IL16: variants seen among roughly 807,000 people sequenced by gnomAD.
IL16 encodes interleukin 16.
A neutral mutation model predicts 110.1 loss-of-function variants in IL16; 67 were observed. The ratio of observed to expected loss-of-function variants is 0.61; its 90% CI spans 0.50 to 0.75. The LOEUF (loss-of-function observed/expected upper bound fraction) is 0.75, where lower values mean the gene tolerates loss of function less well. Among genes scored for constraint, IL16 ranks in the 30% least tolerant of loss-of-function variants. IL16 has a pLI of 0.00. For synonymous variants in IL16, 689 were observed against 662.9 expected, an observed-to-expected ratio of 1.04 and a Z score of -0.61; for missense variants, 1,545 against 1,655.0, an observed-to-expected ratio of 0.93 and a Z score of 1.15.
chr15:81,229,796 C>G (rs2142054360), intron 2 of IL16, among the ~76,000 whole-genome samples: 1 of 152,278 alleles, frequency 6.6e-6, no homozygotes, highest in African/African-American at 2.4e-5. Context: ...CCAGAGTGGC[C>G]CTGCACCCAG....
At chr15:81,228,401 A>G (rs754668693) in intron 2 of IL16, among the ~76,000 whole-genome samples, 1 of 150,382 alleles carries the variant, frequency 6.6e-6, no homozygotes, top group Non-Finnish European at 1.5e-5. Context: ...GCTCATTGCA[A>G]CCTCTGCCTC....
At chr15:81,281,621 A>G (rs1418162315) in intron 8 of IL16, among the ~76,000 whole-genome samples, 2 of 152,172 alleles carry the variant, frequency 1.3e-5, no homozygotes, top group South Asian at 2.1e-4. Context: ...CACATTGCAC[A>G]TGTCATTTGG....
intron 4 of IL16, 131 bp downstream of exon 4, chr15:81,265,932 C>A: frequency 1.3e-6 from 1 of 799,294 alleles, no homozygotes; most frequent in Non-Finnish European, 1.9e-6. Context: ...GAGAGGGTCT[C>A]GCTTAGTAGC....
intron 3 of IL16, 135 bp from the exon 4 acceptor site, chr15:81,265,524 G>A (rs1033380499): frequency 8.9e-6 from 8 of 899,984 alleles, no homozygotes; most frequent in African/African-American, 3.4e-5. Context: ...TCCCCACCAC[G>A]CACCTGGCAC....
intron 1 of IL16, among the ~76,000 whole-genome samples, chr15:81,198,513 G>A (rs955890773): frequency 7.9e-5 from 12 of 152,182 alleles, no homozygotes; most frequent in African/African-American, 2.9e-4. Context: ...ATTGACTATA[G>A]AATTATTATT....
At chr15:81,211,188 T>C (rs1896228594) in intron 1 of IL16, among the ~76,000 whole-genome samples, 1 of 151,992 alleles carries the variant, frequency 6.6e-6, no homozygotes. Flanking sequence ...ACCTCCTGAG[T>C]AGCTGGGACT....
At chr15:81,289,776 G>T (rs2142345819) in intron 10 of IL16, 1 of 311,332 alleles carries the variant, frequency 3.2e-6, no homozygotes, top group East Asian at 7.7e-5. Context: ...ATGCACAGAA[G>T]TTTTTGATTT....
intron 1 of IL16, among the ~76,000 whole-genome samples, chr15:81,197,587 T>A (rs1895643517): frequency 6.6e-6 from 1 of 152,090 alleles, no homozygotes; most frequent in Non-Finnish European, 1.5e-5. Context: ...TTCTCCAAAG[T>A]GGGCACAGCG....
chr15:81,227,225 T>C (rs1180859395), intron 2 of IL16, among the ~76,000 whole-genome samples: 1 of 152,262 alleles, frequency 6.6e-6, no homozygotes, highest in East Asian at 1.9e-4. Context: ...GCAACTTTTA[T>C]TCTGATTTGG....
chr15:81,278,305 G>A (rs1899006874), intron 6 of IL16, among the ~76,000 whole-genome samples: 1 of 152,160 alleles, frequency 6.6e-6, no homozygotes, highest in Non-Finnish European at 1.5e-5. Context: ...CACCCAGGGT[G>A]ACAAGTGCAG....
At chr15:81,282,331 G>C (rs531271572) in intron 8 of IL16, among the ~76,000 whole-genome samples, 4 of 152,156 alleles carry the variant, frequency 2.6e-5, no homozygotes, top group Admixed American at 2.0e-4. Flanking sequence ...CACATTCTGC[G>C]TACATTCACC....
intron 1 of IL16, 73 bp from the exon 2 acceptor site, chr15:81,225,226 T>G: frequency 7.8e-7 from 1 of 1,288,362 alleles, no homozygotes; most frequent in African/African-American, 1.5e-5. Flanking sequence ...GTGGCTCAGA[T>G]CCAGGACTCG....
At chr15:81,201,720 G>A (rs757125763) in intron 1 of IL16, among the ~76,000 whole-genome samples, 1 of 152,106 alleles carries the variant, frequency 6.6e-6, no homozygotes, top group Non-Finnish European at 1.5e-5. Flanking sequence ...TAAAAATGCT[G>A]TAATTAGTAA....
chr15:81,299,396 G>A lies in IL16; in HGVS notation c.2070G>A (p.Pro690=), dbSNP rs775632260. The change falls in exon 14 of 19, where the codon CCG becomes CCA. Residue 690 remains proline (P), a synonymous_variant. Coordinates refer to ENST00000683961, the MANE Select transcript of IL16 (RefSeq NM_172217.5). The part of the protein sequence containing the change: ...RRASPVTQTS[P]IKHPLLKRQA... ...GCACTGTAGTGACCCAAACATCCCC[G>A]ATAAAACACCCACTGCTTAAGAGGC... 60 of 1,613,118 alleles carry A rather than the reference G, an allele frequency of 3.7e-5. No individual in the cohort carries two copies. Among genetic ancestry groups the A allele is most frequent in the Non-Finnish European group, 4.4e-5 (52 of 1,180,036 alleles).
In IL16 at chr15:81,292,584, C is replaced by T. The variant is rs61752774; in HGVS notation, c.1449C>T (p.His483=). The T allele has an allele frequency of 0.12, 200,273 of 1,604,720 alleles. 15,570 individuals are homozygous for T. Among genetic ancestry groups the T allele is most frequent in the South Asian group, 0.31 (27,681 of 90,706 alleles). Residue 483 remains histidine, a synonymous_variant, in exon 12 of 19, where the codon CAC becomes CAT. Coordinates refer to ENST00000683961, the MANE Select transcript of IL16 (RefSeq NM_172217.5). ...TCAAAAGGCTGGAAAGCAGTTGGCA[C>T]GGGCGGCCCACCTTGGAGAAGGAAC... ...EGVKRLESSW[H]GRPTLEKERE...
At chr15:81,225,740 A>G (rs1896768720) in intron 2 of IL16, 29 bp downstream of exon 2, 1 of 1,524,652 alleles carries the variant, frequency 6.6e-7, no homozygotes, top group Non-Finnish European at 8.9e-7. Flanking sequence ...GGCCTGAACT[A>G]GCCTGCAGTT....
At chr15:81,244,117 C>G (rs1038536371) in intron 2 of IL16, among the ~76,000 whole-genome samples, 1 of 152,132 alleles carries the variant, frequency 6.6e-6, no homozygotes. Context: ...ACTTATTTCC[C>G]TTTACCTACC....
intron 2 of IL16, among the ~76,000 whole-genome samples, chr15:81,229,846 G>A (rs1461111624): frequency 6.6e-6 from 1 of 152,192 alleles, no homozygotes; most frequent in Admixed American, 6.5e-5. Flanking sequence ...GCAGGCTCCA[G>A]CAATGCCATG....
chr15:81,212,154 C>G (rs1013556289), intron 1 of IL16, among the ~76,000 whole-genome samples: 1 of 151,200 alleles, frequency 6.6e-6, no homozygotes, highest in Non-Finnish European at 1.5e-5. Context: ...TGACAGGTTT[C>G]TTATTACTGA....
Sources: allele counts gnomAD v4.1 joint callset (sites outside exome capture counted in the v4.1 genomes callset), GRCh38; gene constraint gnomAD v4.1.1; transcripts MANE v1.5; gene names NCBI Gene and HGNC (gene_info 2026-07-23, HGNC 2026-07-21).